FCHSD2: variants seen among roughly 807,000 people sequenced by gnomAD.
The protein encoded by FCHSD2 is F-BAR and double SH3 domains protein 2.
In FCHSD2, 38 loss-of-function variants were observed where a neutral mutation model predicts 108.1. The ratio of observed to expected loss-of-function variants is 0.35; its 90% CI spans 0.27 to 0.46. The LOEUF is 0.46. Ranked by LOEUF, FCHSD2 falls within the 20% of genes least tolerant of loss-of-function variation. FCHSD2 has a pLI of 1.00. For missense variants in FCHSD2, 751 were observed against 897.8 expected (o/e 0.84, Z 2.09); for synonymous variants, 279 against 314.7 (o/e 0.89, Z 1.20).
intron 3 of FCHSD2, among the ~76,000 whole-genome samples, chr11:73,016,121 G>A (rs952046486): frequency 6.6e-6 from 1 of 152,046 alleles, no homozygotes; most frequent in Admixed American, 6.6e-5. Flanking sequence ...TGGCCAACAT[G>A]GTGAAAATCT....
At chr11:72,928,984 G>A (rs936634473) in intron 8 of FCHSD2, among the ~76,000 whole-genome samples, 2 of 147,356 alleles carry the variant, frequency 1.4e-5, no homozygotes, top group Admixed American at 7.0e-5. Flanking sequence ...TTGGTTTTTT[G>A]TCCTTGCGAT....
intron 8 of FCHSD2, among the ~76,000 whole-genome samples, chr11:72,980,458 T>TA (rs1264432784): frequency 6.6e-6 from 1 of 152,040 alleles, no homozygotes; most frequent in Non-Finnish European, 1.5e-5. Context: ...GAATATAAGT[T>TA]AGAGTATTAT....
At chr11:73,108,313 T>C (rs1457508590) in intron 2 of FCHSD2, among the ~76,000 whole-genome samples, 2 of 152,258 alleles carry the variant, frequency 1.3e-5, no homozygotes, top group Non-Finnish European at 2.9e-5. Context: ...TAATCCCTGG[T>C]AAGATAAAGA....
chr11:73,018,095 CAATT>C (rs1320261655), intron 3 of FCHSD2, among the ~76,000 whole-genome samples: 4 of 151,992 alleles, frequency 2.6e-5, no homozygotes, highest in African/African-American at 9.7e-5. Context: ...AGATGCATTC[CAATT>C]AATTAAAGTT....
At chr11:72,960,967 T>TA (rs1856808393) in intron 8 of FCHSD2, among the ~76,000 whole-genome samples, 1 of 152,114 alleles carries the variant, frequency 6.6e-6, no homozygotes, top group Non-Finnish European at 1.5e-5. Flanking sequence ...ACTTTTGATC[T>TA]AAAGCACTTT....
intron 8 of FCHSD2, among the ~76,000 whole-genome samples, chr11:72,954,565 C>A (rs1329751489): frequency 1.3e-5 from 2 of 151,740 alleles, no homozygotes; most frequent in Admixed American, 1.3e-4. Flanking sequence ...TGGAGTGGGG[C>A]AAGAAGGATG....
rs1860440185 is a variant in FCHSD2, at chr11:73,109,850, T to C, written c.120-26110A>G. Among the ~76,000 whole-genome samples the C allele has an allele frequency of 2.0e-5, 3 of 152,214 alleles. No homozygotes were observed. The South Asian group carries it at 6.2e-4, about 31-fold the overall frequency. On this transcript the variant is annotated intron_variant, in intron 2 of 19. Coordinates refer to ENST00000409418, the MANE Select transcript of FCHSD2 (RefSeq NM_014824.3). The stretch of plus-strand genomic sequence containing the variant: ...CTGTGGGTCTGTCTTAAATGGCTTT[T>C]ATTGTGTTGAGGTATGTTCCTTCTA...
At position 72,921,906 on chromosome 11, in the gene FCHSD2, T is replaced by TA; in HGVS notation, c.749dup (p.Ala251SerfsTer6). Reference sequence around the variant, plus strand: ...TTTCTAGCTCAGTCCGGCTGAAGGCTATTAAATAATCCTTGAGATGATCAT... The same window carrying TA: ...TTTCTAGCTCAGTCCGGCTGAAGGCTAATTAAATAATCCTTGAGATGATCAT... On this transcript the variant is annotated frameshift_variant, in exon 9 of 20. Transcript: ENST00000409418. LOFTEE classifies it high-confidence loss of function. 6.2e-7 allele frequency: 1 copy of TA among 1,601,888 alleles called. No homozygotes were observed. The highest frequency in any genetic ancestry group is 1.3e-5 in the African/African-American group (1 of 74,948).
chr11:72,910,369 C>T (rs1001059346), intron 9 of FCHSD2, among the ~76,000 whole-genome samples: 4 of 152,146 alleles, frequency 2.6e-5, no homozygotes, highest in South Asian at 2.1e-4. Context: ...ATGACGATGG[C>T]GGTTTTGTCG....
chr11:72,984,906 C>T (rs915967055), intron 7 of FCHSD2, among the ~76,000 whole-genome samples, 156 bp downstream of exon 7: 1 of 152,138 alleles, frequency 6.6e-6, no homozygotes, highest in Non-Finnish European at 1.5e-5. Flanking sequence ...GGTGCAAAAC[C>T]CCCATGAACT....
chr11:72,893,726 C>G (rs1360815951), intron 10 of FCHSD2, among the ~76,000 whole-genome samples: 1 of 150,500 alleles, frequency 6.6e-6, no homozygotes, highest in Non-Finnish European at 1.5e-5. Context: ...CCAGCCTAGG[C>G]TACAGAGGGA....
chr11:73,084,063 G>A (rs1171543448), intron 2 of FCHSD2, among the ~76,000 whole-genome samples: 1 of 152,130 alleles, frequency 6.6e-6, no homozygotes, highest in Non-Finnish European at 1.5e-5. Context: ...TTAGTTACTT[G>A]AAATACATAA....
intron 8 of FCHSD2, among the ~76,000 whole-genome samples, chr11:72,954,199 T>A (rs868496359): frequency 0.27 from 31,196 of 114,056 alleles, 7,926 homozygotes; most frequent in African/African-American, 0.48. Flanking sequence ...TGTGGGGATT[T>A]TTTTTTTTTT....
chr11:73,081,710 C>A (rs770766562), intron 3 of FCHSD2, among the ~76,000 whole-genome samples: 11 of 151,888 alleles, frequency 7.2e-5, no homozygotes, highest in African/African-American at 9.7e-5. Flanking sequence ...GTATCACAGA[C>A]TTTCATCTCA....
Position 72,867,903 on chromosome 11 carries a change from G to A in FCHSD2, c.1270C>T (p.Arg424Cys), listed in dbSNP as rs764621173. 7 of 1,612,270 alleles carry A rather than the reference G, an allele frequency of 4.3e-6. No homozygotes were observed. In the East Asian group the frequency reaches 6.7e-5, roughly 15 times the overall value. ...CCATTACTGGTCACTGCAGGAGGGC[G>A]GGCCCATCGCTCATTTTCCAGTTCT... ...MEELENERWA[R>C]PPAVTSNGTL... Residue 424 changes from arginine (R) to cysteine (C), a missense_variant, in exon 13 of 20, where the codon CGC becomes TGC. Transcript: ENST00000409418.
intron 8 of FCHSD2, among the ~76,000 whole-genome samples, chr11:72,926,830 T>C (rs1856085676): frequency 6.6e-6 from 1 of 152,132 alleles, no homozygotes; most frequent in Non-Finnish European, 1.5e-5. Context: ...TTGTTGATAG[T>C]TTTGAATTTA....
intron 12 of FCHSD2, among the ~76,000 whole-genome samples, chr11:72,874,983 T>G (rs1854936979): frequency 6.6e-6 from 1 of 152,206 alleles, no homozygotes. Flanking sequence ...TCCAGATCTT[T>G]TAGGATACAT....
chr11:73,047,066 C>T (rs1247699917), intron 3 of FCHSD2, among the ~76,000 whole-genome samples: 1 of 151,028 alleles, frequency 6.6e-6, no homozygotes, highest in African/African-American at 2.4e-5. Context: ...ATATAAAAGA[C>T]AAGATGCAGA....
chr11:72,938,206 G>A (rs1418076355), intron 8 of FCHSD2, among the ~76,000 whole-genome samples: 7 of 147,352 alleles, frequency 4.8e-5, no homozygotes, highest in South Asian at 2.1e-4. Context: ...TTTTTGAGAC[G>A]GAGTTTTGCT....
Sources: allele counts gnomAD v4.1 joint callset (sites outside exome capture counted in the v4.1 genomes callset), GRCh38; gene constraint gnomAD v4.1.1; transcripts MANE v1.5; gene names NCBI Gene and HGNC (gene_info 2026-07-23, HGNC 2026-07-21).